The following LAMA4 variants were observed in gnomAD, a reference collection of about 807,000 sequenced individuals.
The protein encoded by LAMA4 is laminin subunit alpha-4.
A neutral mutation model predicts 207.1 loss-of-function variants in LAMA4; 127 were observed. The ratio of observed to expected loss-of-function variants is 0.61; its 90% CI spans 0.53 to 0.71. LAMA4 has a LOEUF of 0.71. Among genes scored for constraint, LAMA4 ranks in the 30% least tolerant of loss-of-function variants. The pLI is 0.00. For missense variants in LAMA4, 2,093 were observed against 2,246.5 expected (o/e 0.93, Z 1.38); for synonymous variants, 761 against 816.0 (o/e 0.93, Z 1.15).
chr6:112,175,568 G>A, intron 10 of LAMA4, 88 bp from the exon 11 acceptor site: 1 of 1,300,360 alleles, frequency 7.7e-7, no homozygotes, highest in Non-Finnish European at 1.1e-6. Context: ...TGGGCAAAGG[G>A]CAGGGCTGAT....
At chr6:112,244,682 C>T (rs1426505027) in intron 2 of LAMA4, among the ~76,000 whole-genome samples, 4 of 152,066 alleles carry the variant, frequency 2.6e-5, no homozygotes, top group Admixed American at 2.0e-4. Flanking sequence ...CATTGTGTCC[C>T]GGGGTCAAGC....
At chr6:112,218,927 C>T (rs1784781045) in intron 2 of LAMA4, 1 of 152,192 alleles carries the variant, frequency 6.6e-6, no homozygotes, top group African/African-American at 2.4e-5. Flanking sequence ...ATCTGGGGGC[C>T]CTGGGCATGC....
intron 3 of LAMA4, chr6:112,214,120 T>C (rs1554357810): frequency 4.4e-6 from 3 of 681,338 alleles, no homozygotes; most frequent in Non-Finnish European, 8.1e-6. Flanking sequence ...TTGATTCCAG[T>C]GTGACACCAC....
At chr6:112,233,642 T>C (rs1785698966) in intron 2 of LAMA4, among the ~76,000 whole-genome samples, 1 of 152,250 alleles carries the variant, frequency 6.6e-6, no homozygotes, top group South Asian at 2.1e-4. Flanking sequence ...CTTTGGTAGA[T>C]GTGCGGTTTG....
rs1052200625 is a variant in LAMA4 at position 112,172,587 on chromosome 6, A to G, written c.1551+24T>C. On this transcript the variant is annotated intron_variant, in intron 12 of 38. Coordinates refer to ENST00000230538, the MANE Select transcript of LAMA4 (RefSeq NM_001105206.3). Reference sequence around the variant, plus strand: ...CATCACACTGCTGATGCTGAAATGCATTGATGGTGAGTGTCCGCTGTACCT... The same window carrying G: ...CATCACACTGCTGATGCTGAAATGCGTTGATGGTGAGTGTCCGCTGTACCT... 7 of 1,609,934 alleles carry G rather than the reference A, an allele frequency of 4.3e-6. No homozygotes were observed. The East Asian group carries it at 1.6e-4, about 36-fold the overall frequency.
At chr6:112,138,030 G>A (rs1554332051) in intron 24 of LAMA4, among the ~76,000 whole-genome samples, 1 of 151,948 alleles carries the variant, frequency 6.6e-6, no homozygotes, top group African/African-American at 2.4e-5. Flanking sequence ...TTTTTCTATT[G>A]TTGCTTTTGT....
At chr6:112,155,468 CA>C in intron 15 of LAMA4, 96 bp downstream of exon 15, 1 of 1,363,680 alleles carries the variant, frequency 7.3e-7, no homozygotes, top group Non-Finnish European at 1.0e-6. Context: ...CTCTTTCTGC[CA>C]TTTGGATTTC....
chr6:112,228,993 C>T (rs115385058), intron 2 of LAMA4, among the ~76,000 whole-genome samples: 13 of 152,282 alleles, frequency 8.5e-5, no homozygotes, highest in African/African-American at 3.1e-4. Flanking sequence ...GAAGTGATAC[C>T]TGATTCACTT....
At chr6:112,179,029 G>C (rs1383171625) in intron 9 of LAMA4, 1 of 152,122 alleles carries the variant, frequency 6.6e-6, no homozygotes, top group African/African-American at 2.4e-5. Context: ...ATTCTCACTG[G>C]CCTAACATGC....
intron 3 of LAMA4, among the ~76,000 whole-genome samples, chr6:112,215,341 G>C: frequency 6.6e-6 from 1 of 152,182 alleles, no homozygotes; most frequent in East Asian, 1.9e-4. Context: ...AACTTCTAGG[G>C]TTAAAGATCA....
intron 7 of LAMA4, among the ~76,000 whole-genome samples, chr6:112,187,875 C>T (rs554184845): frequency 2.6e-5 from 4 of 152,292 alleles, no homozygotes; most frequent in Admixed American, 2.6e-4. Context: ...GGGCACAGCT[C>T]CTCCTCACAG....
At chr6:112,190,943 CTTTCCTTTCTTTCTTT>C (rs1168449282) in intron 6 of LAMA4, among the ~76,000 whole-genome samples, 92 of 42,360 alleles carry the variant, frequency 2.2e-3, no homozygotes, top group East Asian at 0.014. Flanking sequence ...TTCTTTCTTT[CTTTCCTTTCTTTCTTT>C]CTTTCTTTCT....
chr6:112,190,939 CTTTCTTTCCTTTCTTTCTTT>C (rs1277623760), intron 6 of LAMA4, among the ~76,000 whole-genome samples: 116 of 45,930 alleles, frequency 2.5e-3, no homozygotes, highest in East Asian at 0.012. Flanking sequence ...TTCTTTCTTT[CTTTCTTTCCTTTCTTTCTTT>C]CTTTCTTTCT....
intron 2 of LAMA4, among the ~76,000 whole-genome samples, chr6:112,221,938 AT>A (rs1290730903): frequency 6.6e-6 from 1 of 152,204 alleles, no homozygotes; most frequent in African/African-American, 2.4e-5. Flanking sequence ...TTCACAAGCC[AT>A]TTTTTTCTGT....
intron 9 of LAMA4, chr6:112,179,141 C>T (rs947335278): frequency 1.3e-5 from 2 of 152,104 alleles, no homozygotes; most frequent in Admixed American, 6.5e-5. Flanking sequence ...AGCTCTTCTC[C>T]GAGAAGCTGA....
At chr6:112,187,919 C>T (rs561635231) in intron 7 of LAMA4, among the ~76,000 whole-genome samples, 88 of 152,274 alleles carry the variant, frequency 5.8e-4, no homozygotes, top group African/African-American at 2.1e-3. Context: ...ACTTCAGCAC[C>T]GGGAGGTCTG....
At chr6:112,147,623 T>C (rs1197885356) in intron 18 of LAMA4, among the ~76,000 whole-genome samples, 1 of 152,184 alleles carries the variant, frequency 6.6e-6, no homozygotes, top group Non-Finnish European at 1.5e-5. Flanking sequence ...CATGAAAATA[T>C]TTCATTTTCA....
intron 2 of LAMA4, among the ~76,000 whole-genome samples, chr6:112,229,972 C>A (rs1202815680): frequency 6.6e-6 from 1 of 152,002 alleles, no homozygotes; most frequent in Non-Finnish European, 1.5e-5. Context: ...ATGTGGGGAA[C>A]AAATTTCTTT....
chr6:112,120,449 C>T lies in LAMA4; in HGVS notation c.4499G>A (p.Arg1500Lys), dbSNP rs943416782. The part of the protein sequence containing the change: ...GAKSQFSIRL[R>K]TRSSHGMIFY... ...GATCATGCCATGGGAGGAACGAGTTCTCAGACGAATGGAAAACTGAGATCT... is the reference window on the plus strand; with the variant it reads ...GATCATGCCATGGGAGGAACGAGTTTTCAGACGAATGGAAAACTGAGATCT... The change falls in exon 33 of 39, where the codon AGA becomes AAA. Residue 1500 changes from arginine (R) to lysine (K), a missense_variant. Physicochemically the swap from Arg to Lys is conservative, Grantham distance 26 (BLOSUM62 2). Coordinates refer to ENST00000230538, the MANE Select transcript of LAMA4 (RefSeq NM_001105206.3). 3.1e-6 allele frequency: 5 copies of T among 1,613,590 alleles called. No homozygotes were observed. Among genetic ancestry groups the T allele is most frequent in the Non-Finnish European group, 4.2e-6 (5 of 1,179,732 alleles).
Sources: gnomAD v4.1 joint callset for allele counts (sites outside exome capture counted in the v4.1 genomes callset) on GRCh38, gnomAD v4.1.1 for gene constraint, MANE v1.5 for transcripts, NCBI Gene and HGNC (gene_info 2026-07-23, HGNC 2026-07-21) for gene names.